NELL2: variants seen among roughly 807,000 people sequenced by gnomAD.
The protein encoded by NELL2 is neural EGFL like 2.
In NELL2, 41 loss-of-function variants were observed where a neutral mutation model predicts 109.6. That is an observed-to-expected ratio of 0.37 (90% CI 0.29 to 0.49). NELL2 has a LOEUF of 0.49. NELL2 is among the 20% of genes least tolerant of loss of function. The probability of loss-of-function intolerance (pLI) is 0.98; values close to 1 mark genes in which losing one functional copy is unlikely to be tolerated. For synonymous variants in NELL2, 355 were observed against 344.7 expected (o/e 1.03, Z -0.33); for missense variants, 900 against 1,008.3 (o/e 0.89, Z 1.45).
At chr12:44,777,426 G>A (rs554952129) in intron 5 of NELL2, 112 bp from the exon 6 acceptor site, 1 of 814,206 alleles carries the variant, frequency 1.2e-6, no homozygotes, top group African/African-American at 1.7e-5. Flanking sequence ...TAAAATCCCT[G>A]AGTAAAAAGT....
chr12:44,823,527 T>C (rs369598058), intron 2 of NELL2, among the ~76,000 whole-genome samples: 1 of 152,214 alleles, frequency 6.6e-6, no homozygotes, highest in Admixed American at 6.5e-5. Flanking sequence ...ACTGAGCAGT[T>C]TGTCCTCCAG....
At chr12:44,697,840 G>A (rs1185838164) in intron 12 of NELL2, among the ~76,000 whole-genome samples, 3 of 152,204 alleles carry the variant, frequency 2.0e-5, no homozygotes, top group Admixed American at 1.3e-4. Context: ...CAAACTGGGT[G>A]TCTTGCACAA....
At chr12:44,522,942 A>G (rs763251007) in intron 17 of NELL2, 5 of 230,222 alleles carry the variant, frequency 2.2e-5, no homozygotes, top group Non-Finnish European at 4.3e-5. Context: ...AAAGAAATGG[A>G]TTAGAGATAT....
intron 15 of NELL2, among the ~76,000 whole-genome samples, chr12:44,571,101 G>A (rs1363906404): frequency 6.6e-6 from 1 of 152,132 alleles, no homozygotes; most frequent in East Asian, 1.9e-4. Context: ...TTATAAAGAA[G>A]TTCTTAAAAC....
At chr12:44,630,166 G>C (rs1291735947) in intron 13 of NELL2, among the ~76,000 whole-genome samples, 1 of 152,104 alleles carries the variant, frequency 6.6e-6, no homozygotes, top group African/African-American at 2.4e-5. Flanking sequence ...TCATTTGGCT[G>C]GCATTTGCAT....
chr12:44,713,442 T>A (rs555542879), intron 10 of NELL2, among the ~76,000 whole-genome samples: 1 of 151,966 alleles, frequency 6.6e-6, no homozygotes, highest in South Asian at 2.1e-4. Flanking sequence ...AATTCTTTTA[T>A]CTATTGTGAG....
chr12:44,911,127 C>A (rs1410570741), intron 1 of NELL2, among the ~76,000 whole-genome samples: 1 of 151,862 alleles, frequency 6.6e-6, no homozygotes, highest in African/African-American at 2.4e-5. Context: ...CACGTGTACT[C>A]CCTGAATCTA....
chr12:44,831,730 T>G (rs1943893864), intron 2 of NELL2, among the ~76,000 whole-genome samples: 1 of 152,210 alleles, frequency 6.6e-6, no homozygotes, highest in Non-Finnish European at 1.5e-5. Flanking sequence ...ACTCTTCTTT[T>G]CTTTCAGACT....
chr12:44,833,505 G>A (rs1051596039), intron 2 of NELL2, among the ~76,000 whole-genome samples: 2 of 151,994 alleles, frequency 1.3e-5, no homozygotes, highest in African/African-American at 2.4e-5. Flanking sequence ...TCTCCTTAAG[G>A]ACAAAACTGT....
At chr12:44,861,938 T>C (rs1944854855) in intron 2 of NELL2, among the ~76,000 whole-genome samples, 1 of 152,164 alleles carries the variant, frequency 6.6e-6, no homozygotes, top group Non-Finnish European at 1.5e-5. Context: ...ATGCACTGAC[T>C]TCAACACAAG....
At chr12:44,626,672 A>G (rs1946277489) in intron 13 of NELL2, among the ~76,000 whole-genome samples, 3 of 152,248 alleles carry the variant, frequency 2.0e-5, no homozygotes, top group Admixed American at 2.0e-4. Flanking sequence ...GAGAAATTGG[A>G]CCCTGTCGGC....
Position 44,614,392 on chromosome 12 carries a change from A to G in NELL2, c.1445-3422T>C, listed in dbSNP as rs192207955. Among the ~76,000 whole-genome samples the G allele has an allele frequency of 2.1e-3, 327 of 152,180 alleles. 1 individual carries two copies. The highest frequency in any genetic ancestry group is 7.2e-3 in the African/African-American group (298 of 41,536). On this transcript the variant is annotated intron_variant, in intron 13 of 19. Transcript: ENST00000429094. ...AAAAGTAATTTGGATGTCAATCACT[A>G]TGGAACATTATATATAGAATCTATA...
intron 1 of NELL2, among the ~76,000 whole-genome samples, chr12:44,890,612 CTA>C (rs1945522363): frequency 1.3e-5 from 2 of 152,198 alleles, no homozygotes; most frequent in Admixed American, 1.3e-4. Flanking sequence ...TCAATCACGT[CTA>C]TGTTTTTTTC....
chr12:44,673,305 C>A (rs775031307), intron 12 of NELL2, among the ~76,000 whole-genome samples: 6 of 152,088 alleles, frequency 3.9e-5, no homozygotes, highest in Non-Finnish European at 5.9e-5. Context: ...AAATTTAGTC[C>A]AGGGTGTATT....
At chr12:44,512,143 A>G (rs1413922306) in intron 19 of NELL2, among the ~76,000 whole-genome samples, 1 of 152,214 alleles carries the variant, frequency 6.6e-6, no homozygotes, top group African/African-American at 2.4e-5. Context: ...AAACACTGCA[A>G]GTAATCCAAT....
intron 16 of NELL2, among the ~76,000 whole-genome samples, chr12:44,525,158 C>T (rs143969285): frequency 1.3e-5 from 2 of 152,278 alleles, no homozygotes; most frequent in African/African-American, 2.4e-5. Flanking sequence ...ATGGCAATGG[C>T]CGAATTTTTG....
chr12:44,815,927 A>G, intron 3 of NELL2, 59 bp downstream of exon 3: 3 of 1,536,698 alleles, frequency 2.0e-6, no homozygotes, highest in Non-Finnish European at 2.6e-6. Context: ...ACTTCTCTTT[A>G]ATATATTCAT....
chr12:44,596,566 A>T (rs1333102477), intron 15 of NELL2, among the ~76,000 whole-genome samples: 1 of 152,138 alleles, frequency 6.6e-6, no homozygotes, highest in East Asian at 1.9e-4. Flanking sequence ...AATTCTCTCA[A>T]CAATGTCATG....
intron 3 of NELL2, among the ~76,000 whole-genome samples, chr12:44,798,731 G>A (rs1942719859): frequency 6.6e-6 from 1 of 151,936 alleles, no homozygotes; most frequent in East Asian, 1.9e-4. Flanking sequence ...TTTTAAAAAG[G>A]TATAGTAATT....
Sources: allele counts gnomAD v4.1 joint callset (sites outside exome capture counted in the v4.1 genomes callset), GRCh38; gene constraint gnomAD v4.1.1; transcripts MANE v1.5; gene names NCBI Gene and HGNC (gene_info 2026-07-23, HGNC 2026-07-21).